Variants in SPAG5 observed in about 807,000 individuals in gnomAD.
The protein encoded by SPAG5 is sperm associated antigen 5.
A neutral mutation model predicts 145.4 loss-of-function variants in SPAG5; 99 were observed. That is an observed-to-expected ratio of 0.68 (90% CI 0.58 to 0.80). The LOEUF is 0.80. Ranked by LOEUF, SPAG5 falls within the 30% of genes least tolerant of loss-of-function variation. The pLI is 0.00. For missense variants in SPAG5, 1,192 were observed against 1,416.0 expected (o/e 0.84, Z 2.54); for synonymous variants, 477 against 525.4 (o/e 0.91, Z 1.26).
At chr17:28,586,599 TC>T in intron 4 of SPAG5, 100 bp from the exon 5 acceptor site, 1 of 915,952 alleles carries the variant, frequency 1.1e-6, no homozygotes, top group Admixed American at 1.8e-5. Flanking sequence ...TGGCACAATC[TC>T]AGCTCACTGC....
At position 28,577,670 on chromosome 17, in the gene SPAG5, A is replaced by G. The variant is rs1597592433; in HGVS notation, c.*29T>C. The G allele has an allele frequency of 4.5e-6, 7 of 1,561,178 alleles. No homozygotes were observed. In the African/African-American group the frequency reaches 9.5e-5, roughly 21 times the overall value. On this transcript the variant is annotated 3_prime_UTR_variant, in exon 24 of 24. Transcript: ENST00000321765. ...GTAAGGGGGTATTGCAGGTAAAAAG[A>G]GGTGAAGCAGATTCTGGCTTTCAGT...
At chr17:28,585,489 A>C in intron 8 of SPAG5, 45 bp downstream of exon 8, 2 of 1,613,716 alleles carry the variant, frequency 1.2e-6, no homozygotes, top group Non-Finnish European at 8.5e-7. Context: ...CTACCCTCCC[A>C]GTCTGTCAGC....
At chr17:28,591,158 T>A (rs1006665827) in intron 4 of SPAG5, among the ~76,000 whole-genome samples, 2 of 152,184 alleles carry the variant, frequency 1.3e-5, no homozygotes, top group Admixed American at 6.6e-5. Context: ...AGAAAAAGAA[T>A]ACTTGTGGAA....
chr17:28,578,112 TA>T, intron 22 of SPAG5, 22 bp from the exon 23 acceptor site: 1 of 1,613,100 alleles, frequency 6.2e-7, no homozygotes, highest in African/African-American at 1.3e-5. Context: ...ACAGATTTTA[TA>T]AGTCCTATGC....
At chr17:28,588,960 G>C (rs1047455286) in intron 4 of SPAG5, among the ~76,000 whole-genome samples, 8 of 152,094 alleles carry the variant, frequency 5.3e-5, no homozygotes, top group African/African-American at 1.7e-4. Flanking sequence ...GGGATTATAA[G>C]CGTGAGCCAC....
At position 28,583,569 on chromosome 17, in the gene SPAG5, A is replaced by G; in HGVS notation, c.2627T>C (p.Leu876Pro). 6.2e-7 allele frequency: 1 copy of G among 1,613,894 alleles called. No homozygotes were observed. The highest frequency in any genetic ancestry group is 1.3e-5 in the African/African-American group (1 of 75,030). ...CAGGCTCTGTAGTTGCTCAGTCAGC[A>G]GCCCTAGCTTTTGAGAGTACTGCCG... ...KTRQYSQKLGLLTEQLQSLTL... is the reference protein window; with the variant it reads ...KTRQYSQKLGPLTEQLQSLTL... Residue 876 changes from leucine to proline, a missense_variant, in exon 15 of 24, where the codon CTG becomes CCG. Around this residue, in one of 5 missense-constraint regions of SPAG5, gnomAD observed 709 missense variants for 840.7 expected, o/e 0.84. Coordinates refer to ENST00000321765, the MANE Select transcript of SPAG5 (RefSeq NM_006461.4).
At chr17:28,589,295 C>T (rs1383628723) in intron 4 of SPAG5, among the ~76,000 whole-genome samples, 1 of 151,976 alleles carries the variant, frequency 6.6e-6, no homozygotes, top group Non-Finnish European at 1.5e-5. Flanking sequence ...GACGGGGTTT[C>T]GCCATGTTGG....
At chr17:28,583,294 CAT>C (rs1308452765) in intron 15 of SPAG5, among the ~76,000 whole-genome samples, 2 of 152,274 alleles carry the variant, frequency 1.3e-5, no homozygotes, top group East Asian at 1.9e-4. Context: ...AAAATGGGGA[CAT>C]GTGTGTAGCA....
Position 28,584,438 on chromosome 17 carries a change from T to C in SPAG5, c.2204A>G (p.Gln735Arg). 1 of 1,614,112 alleles carries C rather than the reference T, an allele frequency of 6.2e-7. No homozygotes were observed. The highest frequency in any genetic ancestry group is 1.3e-5 in the African/African-American group (1 of 75,052). Residue 735 changes from glutamine (Q) to arginine (R), a missense_variant, in exon 12 of 24, where the codon CAG becomes CGG. This residue lies in a region of SPAG5 where 709 missense variants were observed against 840.7 expected (regional missense o/e 0.84). Transcript: ENST00000321765. ...QLQILANMDSQLKELQSQHTH... is the reference protein window; with the variant it reads ...QLQILANMDSRLKELQSQHTH... ...ATGCTGACTCTGTAGCTCTTTTAGC[T>C]GGCTGTCCATGTTGGCCAGAATCTG...
chr17:28,579,409 T>TA lies in SPAG5; in HGVS notation c.2960dup (p.Gln988ThrfsTer4). On this transcript the variant is annotated frameshift_variant, in exon 18 of 24. Transcript: ENST00000321765. LOFTEE classifies it high-confidence loss of function. ...TGATGGCTTCTTCTTTAGACTCTTGTAGCAGGGAACAAAGACTCTGAAGCT... is the reference window on the plus strand; with the variant it reads ...TGATGGCTTCTTCTTTAGACTCTTGTAAGCAGGGAACAAAGACTCTGAAGCT... The TA allele has an allele frequency of 6.2e-7, 1 of 1,614,206 alleles. No individual in the cohort carries two copies. The highest frequency in any genetic ancestry group is 8.5e-7 in the Non-Finnish European group (1 of 1,180,024).
chr17:28,592,261 A>C lies in SPAG5; in HGVS notation c.983T>G (p.Val328Gly), dbSNP rs566062382. 1 of 1,614,032 alleles carries C rather than the reference A, an allele frequency of 6.2e-7. No individual in the cohort carries two copies. The highest frequency in any genetic ancestry group is 2.2e-5 in the East Asian group (1 of 44,902). ...QEAPGPAVEDVGRILGSDTES... is the reference protein window; with the variant it reads ...QEAPGPAVEDGGRILGSDTES... ...TGTATCAGAGCCAAGAATCCTACCA[A>C]CATCTTCTACTGCTGGGCCTGGAGC... is the stretch of plus-strand genomic sequence containing the variant. The change falls in exon 3 of 24, where the codon GTT becomes GGT. Residue 328 changes from valine (V) to glycine (G), a missense_variant. Val to Gly is a moderately radical substitution (Grantham distance 109, BLOSUM62 -3). Transcript: ENST00000321765.
rs773029239 is a variant in SPAG5 at position 28,598,914 on chromosome 17, C to T, written c.33G>A (p.Leu11=). 30 of 1,613,946 alleles carry T rather than the reference C, an allele frequency of 1.9e-5. No individual in the cohort carries two copies. Among genetic ancestry groups the T allele is most frequent in the Non-Finnish European group, 1.3e-5 (15 of 1,180,014 alleles). Residue 11 remains leucine, a synonymous_variant, in exon 1 of 24, where the codon CTG becomes CTA. Coordinates refer to ENST00000321765, the MANE Select transcript of SPAG5 (RefSeq NM_006461.4). ...CGCTTACCGTCTGGGGCGAAGGCGA[C>T]AGGCTGAGGCTCAGTTTTTTCACTC... The part of the protein sequence containing the change: MWRVKKLSLS[L]SPSPQTGKPS...
intron 4 of SPAG5, among the ~76,000 whole-genome samples, chr17:28,589,876 T>C (rs1249529936): frequency 6.6e-6 from 1 of 152,156 alleles, no homozygotes; most frequent in African/African-American, 2.4e-5. Context: ...CGCAACATGG[T>C]ACTCTAGCCT....
chr17:28,594,347 G>A (rs538955319), intron 2 of SPAG5, among the ~76,000 whole-genome samples: 2 of 152,338 alleles, frequency 1.3e-5, no homozygotes, highest in East Asian at 3.9e-4. Flanking sequence ...TGTAATCCCA[G>A]CACTTTGGGA....
At chr17:28,589,561 A>G (rs952471547) in intron 4 of SPAG5, among the ~76,000 whole-genome samples, 2 of 152,100 alleles carry the variant, frequency 1.3e-5, no homozygotes, top group East Asian at 1.9e-4. Context: ...CTTTGAACAT[A>G]TATTTTTTAT....
intron 21 of SPAG5, 39 bp from the exon 22 acceptor site, chr17:28,578,331 G>A: frequency 6.2e-7 from 1 of 1,614,042 alleles, no homozygotes; most frequent in Non-Finnish European, 8.5e-7. Flanking sequence ...ACAGCCTGGG[G>A]TCCCCACCTG....
chr17:28,598,973 G>T lies in SPAG5; in HGVS notation c.-27C>A. On this transcript the variant is annotated 5_prime_UTR_variant, in exon 1 of 24. Coordinates refer to ENST00000321765, the MANE Select transcript of SPAG5 (RefSeq NM_006461.4). The stretch of plus-strand genomic sequence containing the variant: ...TTCAACCAGAAGGCAGGCCTATCAC[G>T]TCTCAGACCAAGTCGAGGACGCCAT... 1 of 1,611,526 alleles carries T rather than the reference G, an allele frequency of 6.2e-7. No homozygotes were observed. Among genetic ancestry groups the T allele is most frequent in the Non-Finnish European group, 8.5e-7 (1 of 1,177,768 alleles).
intron 15 of SPAG5, 56 bp from the exon 16 acceptor site, chr17:28,580,176 T>C (rs918403174): frequency 1.7e-6 from 2 of 1,169,528 alleles, no homozygotes; most frequent in Non-Finnish European, 2.4e-6. Flanking sequence ...CTCCTGGGCT[T>C]CCAGGTAACT....
intron 7 of SPAG5, 49 bp downstream of exon 7, chr17:28,585,815 C>G (rs761249527): frequency 1.2e-6 from 2 of 1,613,612 alleles, no homozygotes; most frequent in Non-Finnish European, 1.7e-6. Flanking sequence ...CTGCAGGAAC[C>G]TTGAGGTGGA....
Sources: allele counts gnomAD v4.1 joint callset (sites outside exome capture counted in the v4.1 genomes callset), GRCh38; gene constraint gnomAD v4.1.1; regional missense constraint gnomAD v4.1.1; transcripts MANE v1.5; gene names NCBI Gene and HGNC (gene_info 2026-07-23, HGNC 2026-07-21).